UNC5D: variants seen among roughly 807,000 people sequenced by gnomAD.
The protein encoded by UNC5D is unc-5 netrin receptor D, also known as netrin receptor UNC5D.
Under a neutral mutation model 105.4 loss-of-function variants are expected in UNC5D, and 39 were observed. That is an observed-to-expected ratio of 0.37 (90% CI 0.29 to 0.48). The LOEUF (loss-of-function observed/expected upper bound fraction) is 0.48, where lower values mean the gene tolerates loss of function less well. Ranked by LOEUF, UNC5D falls within the 20% of genes least tolerant of loss-of-function variation. The pLI is 0.98. For synonymous variants in UNC5D, 452 were observed against 450.4 expected (o/e 1.00, Z -0.04); for missense variants, 991 against 1,202.4 (o/e 0.82, Z 2.60).
intron 1 of UNC5D, among the ~76,000 whole-genome samples, chr8:35,373,568 G>C (rs1422983034): frequency 6.6e-6 from 1 of 152,102 alleles, no homozygotes; most frequent in Non-Finnish European, 1.5e-5. Flanking sequence ...TACTATCTCT[G>C]GTGCGATAAA....
intron 1 of UNC5D, among the ~76,000 whole-genome samples, chr8:35,295,054 T>A (rs1158299141): frequency 2.0e-5 from 3 of 152,190 alleles, no homozygotes; most frequent in Non-Finnish European, 4.4e-5. Flanking sequence ...CTTGCAACAC[T>A]TGAGCTCACT....
chr8:35,546,107 A>G (rs1815657581), intron 1 of UNC5D, among the ~76,000 whole-genome samples: 1 of 152,050 alleles, frequency 6.6e-6, no homozygotes, highest in Non-Finnish European at 1.5e-5. Flanking sequence ...GTGTTGTCCA[A>G]GCTGTTCTCA....
chr8:35,548,172 A>G (rs1229966164), intron 1 of UNC5D, among the ~76,000 whole-genome samples: 2 of 152,102 alleles, frequency 1.3e-5, no homozygotes, highest in Non-Finnish European at 2.9e-5. Flanking sequence ...TCACAGACTC[A>G]CCCAGGAACA....
At chr8:35,290,600 T>C (rs1020196939) in intron 1 of UNC5D, among the ~76,000 whole-genome samples, 5 of 152,130 alleles carry the variant, frequency 3.3e-5, no homozygotes, top group Admixed American at 1.3e-4. Context: ...TCAATAATAA[T>C]GTATTATATA....
chr8:35,371,433 G>A (rs1292320055), intron 1 of UNC5D, among the ~76,000 whole-genome samples: 2 of 151,998 alleles, frequency 1.3e-5, no homozygotes, highest in Non-Finnish European at 2.9e-5. Flanking sequence ...GGTTTGTGTT[G>A]GGCTGAGATT....
chr8:35,556,212 C>T (rs935822253), intron 2 of UNC5D, among the ~76,000 whole-genome samples: 4 of 152,096 alleles, frequency 2.6e-5, no homozygotes, highest in African/African-American at 9.7e-5. Context: ...TTTTATTCTT[C>T]TTTTTGAATG....
chr8:35,635,459 T>A (rs2131100171), intron 4 of UNC5D, among the ~76,000 whole-genome samples: 2 of 152,290 alleles, frequency 1.3e-5, no homozygotes, highest in East Asian at 3.9e-4. Flanking sequence ...GGAAACCAGC[T>A]CTGGCTTTGA....
intron 1 of UNC5D, among the ~76,000 whole-genome samples, chr8:35,494,409 T>C (rs773577284): frequency 7.2e-5 from 11 of 152,222 alleles, no homozygotes; most frequent in Admixed American, 5.2e-4. Flanking sequence ...AGAGGTACGA[T>C]ATAATAGCTT....
intron 1 of UNC5D, among the ~76,000 whole-genome samples, chr8:35,458,835 G>T (rs914270165): frequency 6.6e-6 from 1 of 152,136 alleles, no homozygotes; most frequent in Non-Finnish European, 1.5e-5. Flanking sequence ...TGAAAGGCTG[G>T]TAAACAATTT....
At chr8:35,298,219 T>C (rs1211215510) in intron 1 of UNC5D, among the ~76,000 whole-genome samples, 2 of 152,148 alleles carry the variant, frequency 1.3e-5, no homozygotes, top group Non-Finnish European at 2.9e-5. Flanking sequence ...ACCCCCATAG[T>C]CCCTGGCTCT....
chr8:35,320,645 C>T (rs908998017), intron 1 of UNC5D, among the ~76,000 whole-genome samples: 1 of 152,074 alleles, frequency 6.6e-6, no homozygotes, highest in Non-Finnish European at 1.5e-5. Flanking sequence ...GAATTTGGTG[C>T]CTTATTGCTA....
intron 1 of UNC5D, among the ~76,000 whole-genome samples, chr8:35,335,690 C>G (rs952099658): frequency 2.0e-5 from 3 of 149,974 alleles, no homozygotes; most frequent in Admixed American, 6.6e-5. Context: ...TGAATAATCG[C>G]TAATGAAATA....
intron 14 of UNC5D, among the ~76,000 whole-genome samples, chr8:35,763,840 G>A (rs1156888512): frequency 2.0e-5 from 3 of 152,158 alleles, no homozygotes; most frequent in Non-Finnish European, 2.9e-5. Flanking sequence ...GGCCAGGCAG[G>A]AGACAGAGTT....
chr8:35,246,659 C>T (rs747999195), intron 1 of UNC5D, among the ~76,000 whole-genome samples: 7 of 152,076 alleles, frequency 4.6e-5, no homozygotes, highest in Admixed American at 3.9e-4. Flanking sequence ...ATTGTTTTCA[C>T]GAAGCATCAC....
intron 8 of UNC5D, among the ~76,000 whole-genome samples, chr8:35,709,580 C>T (rs1046152927): frequency 6.6e-6 from 1 of 152,108 alleles, no homozygotes; most frequent in Non-Finnish European, 1.5e-5. Flanking sequence ...ATCCCAGCTA[C>T]TCGGGAGGCT....
chr8:35,454,308 C>T (rs1018152390), intron 1 of UNC5D, among the ~76,000 whole-genome samples: 2 of 152,068 alleles, frequency 1.3e-5, no homozygotes, highest in South Asian at 2.1e-4. Flanking sequence ...TTTTTCACCT[C>T]ATGCAGAGAT....
chr8:35,319,211 A>G (rs2128883992), intron 1 of UNC5D, among the ~76,000 whole-genome samples: 1 of 152,236 alleles, frequency 6.6e-6, no homozygotes, highest in African/African-American at 2.4e-5. Context: ...CTAGTAAAAT[A>G]TACCCTTCAG....
chr8:35,248,980 T>A (rs1178710201), intron 1 of UNC5D, among the ~76,000 whole-genome samples: 10 of 83,978 alleles, frequency 1.2e-4, no homozygotes, highest in African/African-American at 4.8e-4. Flanking sequence ...TATATATTTT[T>A]ATATAATATA....
chr8:35,605,412 C>T (rs1016220323), intron 4 of UNC5D, among the ~76,000 whole-genome samples: 2 of 152,200 alleles, frequency 1.3e-5, no homozygotes, highest in East Asian at 3.9e-4. Context: ...GAAGTTTTGT[C>T]TCAGAGGAGT....
Sources: gnomAD v4.1 joint callset for allele counts (sites outside exome capture counted in the v4.1 genomes callset) on GRCh38, gnomAD v4.1.1 for gene constraint, MANE v1.5 for transcripts, NCBI Gene and HGNC (gene_info 2026-07-23, HGNC 2026-07-21) for gene names.